The following DGKB variants were observed in gnomAD, a reference collection of about 807,000 sequenced individuals.
DGKB encodes the protein diacylglycerol kinase beta.
A neutral mutation model predicts 114.3 loss-of-function variants in DGKB; 67 were observed. The observed-to-expected ratio is 0.59, with a 90% confidence interval of 0.48 to 0.72. The LOEUF (loss-of-function observed/expected upper bound fraction) is 0.72, where lower values mean the gene tolerates loss of function less well. Ranked by LOEUF, DGKB falls within the 30% of genes least tolerant of loss-of-function variation. The probability of loss-of-function intolerance (pLI) is 0.00; values close to 1 mark genes in which losing one functional copy is unlikely to be tolerated. For synonymous variants in DGKB, 398 were observed against 323.1 expected (o/e 1.23, Z -2.49); for missense variants, 907 against 975.2 (o/e 0.93, Z 0.93).
intron 23 of DGKB, among the ~76,000 whole-genome samples, chr7:14,183,202 T>C (rs1782896313): frequency 6.6e-6 from 1 of 152,186 alleles, no homozygotes; most frequent in Non-Finnish European, 1.5e-5. Flanking sequence ...AAGAATAAAC[T>C]TTTAAAAGGC....
intron 6 of DGKB, among the ~76,000 whole-genome samples, chr7:14,705,979 T>C (rs1379056554): frequency 1.3e-5 from 2 of 151,740 alleles, no homozygotes; most frequent in Non-Finnish European, 2.9e-5. Context: ...TAACTTTAAA[T>C]GTAAACGGAC....
intron 21 of DGKB, among the ~76,000 whole-genome samples, chr7:14,477,352 T>C (rs10232606): frequency 0.018 from 2,736 of 152,304 alleles, 70 homozygotes; most frequent in African/African-American, 0.059. Context: ...AATAAAGCCC[T>C]TGGCTTTGAA....
chr7:14,427,007 C>G (rs573177102), intron 21 of DGKB, among the ~76,000 whole-genome samples: 21 of 152,072 alleles, frequency 1.4e-4, no homozygotes, highest in Admixed American at 8.5e-4. Flanking sequence ...TTACAGTGAG[C>G]CAAGATAGTG....
chr7:14,333,303 A>G (rs1427749477), intron 23 of DGKB, among the ~76,000 whole-genome samples: 1 of 151,792 alleles, frequency 6.6e-6, no homozygotes, highest in East Asian at 1.9e-4. Context: ...TAAAAATACA[A>G]AAACAAAATT....
chr7:14,319,753 T>C (rs1412115824), intron 23 of DGKB, among the ~76,000 whole-genome samples: 1 of 152,206 alleles, frequency 6.6e-6, no homozygotes, highest in East Asian at 1.9e-4. Context: ...CTTTGTATTA[T>C]GCATCCAGTG....
At chr7:14,285,548 G>A (rs1420159201) in intron 23 of DGKB, among the ~76,000 whole-genome samples, 3 of 152,162 alleles carry the variant, frequency 2.0e-5, no homozygotes, top group African/African-American at 7.2e-5. Flanking sequence ...ATTTTCAGCT[G>A]AAAGTCTCAC....
chr7:14,660,633 C>T (rs1015326571), intron 13 of DGKB, among the ~76,000 whole-genome samples: 2 of 151,540 alleles, frequency 1.3e-5, no homozygotes, highest in East Asian at 1.9e-4. Flanking sequence ...GTCTTGCTAG[C>T]GGTTTATCAA....
chr7:14,636,239 A>G (rs1162161671), intron 13 of DGKB, among the ~76,000 whole-genome samples: 1 of 151,762 alleles, frequency 6.6e-6, no homozygotes, highest in African/African-American at 2.4e-5. Context: ...CCAACGAACA[A>G]TATCAGTTCT....
chr7:14,347,776 G>C (rs1812730326), intron 21 of DGKB, among the ~76,000 whole-genome samples: 1 of 151,226 alleles, frequency 6.6e-6, no homozygotes, highest in African/African-American at 2.5e-5. Context: ...ATTAACTAGA[G>C]TAGTAGATTG....
chr7:14,659,324 G>T (rs928164500), intron 13 of DGKB, among the ~76,000 whole-genome samples: 1 of 152,082 alleles, frequency 6.6e-6, no homozygotes, highest in Non-Finnish European at 1.5e-5. Flanking sequence ...ACCCTGGGCA[G>T]TATGGCAATT....
intron 13 of DGKB, among the ~76,000 whole-genome samples, chr7:14,651,076 G>A (rs1265087104): frequency 6.6e-6 from 1 of 152,132 alleles, no homozygotes. Context: ...GTACAAGGAG[G>A]AGCTGGTACC....
intron 23 of DGKB, among the ~76,000 whole-genome samples, chr7:14,288,560 A>T (rs948477061): frequency 1.5e-4 from 23 of 152,128 alleles, no homozygotes; most frequent in African/African-American, 5.5e-4. Flanking sequence ...TTAATCATTC[A>T]TTACTCTCTC....
At chr7:14,296,795 A>C (rs1409719517) in intron 23 of DGKB, among the ~76,000 whole-genome samples, 2 of 148,766 alleles carry the variant, frequency 1.3e-5, no homozygotes, top group Non-Finnish European at 3.0e-5. Context: ...AAGATTAACA[A>C]GATAGACCAC....
At chr7:14,261,945 A>T (rs1175147816) in intron 23 of DGKB, among the ~76,000 whole-genome samples, 3 of 152,210 alleles carry the variant, frequency 2.0e-5, no homozygotes, top group Non-Finnish European at 4.4e-5. Context: ...AAATACCTTA[A>T]CAGCAAGTCA....
At chr7:14,932,331 T>C (rs1188685879) in intron 1 of DGKB, among the ~76,000 whole-genome samples, 1 of 152,188 alleles carries the variant, frequency 6.6e-6, no homozygotes. Flanking sequence ...ACTCCCATGT[T>C]TGCTCTTTGA....
At chr7:14,950,471 CT>C (rs1171642983) in intron 1 of DGKB, among the ~76,000 whole-genome samples, 2 of 151,752 alleles carry the variant, frequency 1.3e-5, no homozygotes, top group African/African-American at 4.8e-5. Flanking sequence ...AATCCATAAA[CT>C]TTTTTATTTA....
chr7:14,532,939 G>C (rs1383442366), intron 20 of DGKB, among the ~76,000 whole-genome samples: 1 of 151,576 alleles, frequency 6.6e-6, no homozygotes, highest in Non-Finnish European at 1.5e-5. Context: ...TCTGCAAATG[G>C]GCAGACACCA....
At chr7:14,928,141 T>C (rs1351173542) in intron 1 of DGKB, among the ~76,000 whole-genome samples, 1 of 151,990 alleles carries the variant, frequency 6.6e-6, no homozygotes, top group Non-Finnish European at 1.5e-5. Flanking sequence ...AAGATAAATA[T>C]GCTAAAATAT....
At chr7:14,851,374 G>GAA (rs1464566001) in intron 1 of DGKB, among the ~76,000 whole-genome samples, 1 of 152,060 alleles carries the variant, frequency 6.6e-6, no homozygotes, top group Admixed American at 6.6e-5. Flanking sequence ...TCCTTCAAGT[G>GAA]AATTTTCTAT....
Sources: allele counts gnomAD v4.1 joint callset (sites outside exome capture counted in the v4.1 genomes callset), GRCh38; gene constraint gnomAD v4.1.1; transcripts MANE v1.5; gene names NCBI Gene and HGNC (gene_info 2026-07-23, HGNC 2026-07-21).